Variants in PLD2 observed in about 807,000 individuals in gnomAD.
The protein encoded by PLD2 is choline phosphatase 2.
In PLD2, 101 loss-of-function variants were observed where a neutral mutation model predicts 119.8. The ratio of observed to expected loss-of-function variants is 0.84; its 90% CI spans 0.72 to 0.99. PLD2 has a LOEUF of 0.99. Ranked by LOEUF, PLD2 falls within the 50% of genes least tolerant of loss-of-function variation. PLD2 has a pLI of 0.00. For synonymous variants in PLD2, 494 were observed against 482.8 expected (o/e 1.02, Z -0.30); for missense variants, 1,164 against 1,226.8 (o/e 0.95, Z 0.76).
intron 10 of PLD2, among the ~76,000 whole-genome samples, chr17:4,812,627 T>C (rs1342082620): frequency 6.6e-6 from 1 of 151,920 alleles, no homozygotes; most frequent in African/African-American, 2.4e-5. Flanking sequence ...CAATCCACAG[T>C]GATGGAAATC....
chr17:4,815,649 C>T, intron 13 of PLD2, 63 bp downstream of exon 13: 1 of 1,582,708 alleles, frequency 6.3e-7, no homozygotes, highest in Non-Finnish European at 8.7e-7. Flanking sequence ...GTCCCAGCCC[C>T]CAGCGCTCCC....
At chr17:4,809,071 TACCTG>T in intron 4 of PLD2, 24 bp from the exon 5 acceptor site, 1 of 1,563,108 alleles carries the variant, frequency 6.4e-7, no homozygotes, top group East Asian at 2.2e-5. Flanking sequence ...TCCCAGCTCT[TACCTG>T]ACCTTCATCC....
At position 4,807,562 on chromosome 17, in the gene PLD2, A is replaced by G. The variant is rs1219860738; in HGVS notation, c.-1-210A>G. On this transcript the variant is annotated intron_variant, in intron 1 of 24. Coordinates refer to ENST00000263088, the MANE Select transcript of PLD2 (RefSeq NM_002663.5). The surrounding 1 kb of genome is among the most constrained non-coding windows in gnomAD (Gnocchi z 5.4). The stretch of plus-strand genomic sequence containing the variant: ...GACGGGGCGGGGGGCGGGGGGCGGG[A>G]CTGGGATTGTGGATGAAGGACTAAG... 7.8e-5 allele frequency: 26 copies of G among 335,140 alleles called. No homozygotes were observed. Among genetic ancestry groups the G allele is most frequent in the Non-Finnish European group, 6.1e-5 (11 of 181,658 alleles). The allele number at this position is 335,140 out of a possible 1,614,324, so 20.8% of individuals were successfully genotyped here.
intron 4 of PLD2, 52 bp from the exon 5 acceptor site, chr17:4,809,048 A>G (rs1046975575): frequency 7.1e-6 from 10 of 1,404,890 alleles, no homozygotes; most frequent in East Asian, 2.3e-5. Context: ...TTCAGGAACC[A>G]GAGCACCCAG....
At chr17:4,814,393 C>G (rs1224995856) in intron 10 of PLD2, 25 bp from the exon 11 acceptor site, 13 of 1,596,624 alleles carry the variant, frequency 8.1e-6, no homozygotes, top group Non-Finnish European at 1.1e-5. Context: ...ACTCCCCTGA[C>G]CTCCTTGGCT....
intron 14 of PLD2, among the ~76,000 whole-genome samples, chr17:4,816,213 C>A (rs1478335845): frequency 2.0e-5 from 3 of 152,070 alleles, no homozygotes; most frequent in African/African-American, 7.2e-5. Context: ...GAAACCCTGT[C>A]TCTACTAAAA....
intron 12 of PLD2, 152 bp downstream of exon 12, chr17:4,814,863 G>A (rs1303363497): frequency 8.4e-6 from 6 of 711,598 alleles, no homozygotes; most frequent in East Asian, 5.4e-5. Flanking sequence ...CATCACCTCC[G>A]CCCTCTCCCT....
In PLD2 at chr17:4,808,273, G is replaced by A. The variant is rs772586483; in HGVS notation, c.241-1G>A. 1.5e-5 allele frequency: 25 copies of A among 1,613,930 alleles called. 1 individual carries two copies. The South Asian group carries it at 2.5e-4, about 16-fold the overall frequency. On this transcript the variant is annotated splice_acceptor_variant, in intron 3 of 24. Transcript: ENST00000263088. LOFTEE classifies it high-confidence loss of function. This position sits in a 1 kb window ranked among gnomAD's most constrained non-coding sequence, Gnocchi z 4.1. The stretch of plus-strand genomic sequence containing the variant: ...ATCCATTCAGTTCCTCATACCCCTA[G>A]GTGGGAACCTGCACTCTGTATTCTG...
rs1036359417 is a variant in PLD2 at position 4,819,782 on chromosome 17, G to A, written c.2462+200G>A. Among the ~76,000 whole-genome samples the A allele has an allele frequency of 6.6e-6, 1 of 151,930 alleles. No individual in the cohort carries two copies. Among genetic ancestry groups the A allele is most frequent in the South Asian group, 2.1e-4 (1 of 4,816 alleles). On this transcript the variant is annotated intron_variant, in intron 23 of 24. Transcript: ENST00000263088. The surrounding 1 kb of genome is among the most constrained non-coding windows in gnomAD (Gnocchi z 4.2). Reference sequence around the variant, plus strand: ...GGAGGCCAAGGCGGGTGGATTGCCTGAGGTCAGGATTTTGAGACCAGCCTG... The same window carrying A: ...GGAGGCCAAGGCGGGTGGATTGCCTAAGGTCAGGATTTTGAGACCAGCCTG...
Position 4,819,043 on chromosome 17 carries a change from A to C in PLD2, c.2174-41A>C. 1 of 1,611,010 alleles carries C rather than the reference A, an allele frequency of 6.2e-7. No homozygotes were observed. The highest frequency in any genetic ancestry group is 8.5e-7 in the Non-Finnish European group (1 of 1,178,256). On this transcript the variant is annotated intron_variant, in intron 21 of 24. Transcript: ENST00000263088. This position sits in a 1 kb window ranked among gnomAD's most constrained non-coding sequence, Gnocchi z 4.2. ...GGAGGTGGGACAGGGCCCTGTGCAC[A>C]CAGAGCCACCTCTCACCTCACTTCC...
At position 4,818,546 on chromosome 17, in the gene PLD2, G is replaced by A. The variant is rs777652802; in HGVS notation, c.2062G>A (p.Glu688Lys). ...GCTTTTGCCCTTACTCCCTGGCTTC[G>A]AGGGTGACATCTCCACGGGCGGTGG... ...YVLLPLLPGFEGDISTGGGNS... is the reference protein window; with the variant it reads ...YVLLPLLPGFKGDISTGGGNS... Residue 688 changes from glutamate to lysine, a missense_variant, in exon 20 of 25, where the codon GAG becomes AAG. Physicochemically the swap from Glu to Lys is moderately conservative, Grantham distance 56. Coordinates refer to ENST00000263088, the MANE Select transcript of PLD2 (RefSeq NM_002663.5). 23 of 1,613,884 alleles carry A rather than the reference G, an allele frequency of 1.4e-5. No homozygotes were observed. Among genetic ancestry groups the A allele is most frequent in the East Asian group, 1.3e-4 (6 of 44,886 alleles).
intron 14 of PLD2, 62 bp from the exon 15 acceptor site, chr17:4,816,558 C>G (rs1906991696): frequency 6.4e-7 from 1 of 1,566,506 alleles, no homozygotes; most frequent in Non-Finnish European, 8.8e-7. Flanking sequence ...TCTCTTTGGC[C>G]CTGGCTCTGT....
At chr17:4,812,295 GTTTTT>G (rs560349965) in intron 10 of PLD2, among the ~76,000 whole-genome samples, 1 of 118,580 alleles carries the variant, frequency 8.4e-6, no homozygotes, top group East Asian at 2.5e-4. Context: ...TTTTGTTTTG[GTTTTT>G]TTTTTTTTTT....
Position 4,818,581 on chromosome 17 carries a change from C to T in PLD2, c.2097C>T (p.Ile699=). ...TCTCCACGGGCGGTGGCAACTCCAT[C>T]CAGGCCATTCTGCACTTTACTTACA... ...GDISTGGGNS[I]QAILHFTYRT... Residue 699 remains isoleucine, a synonymous_variant, in exon 20 of 25, where the codon ATC becomes ATT. Transcript: ENST00000263088. 1 of 1,613,734 alleles carries T rather than the reference C, an allele frequency of 6.2e-7. No individual in the cohort carries two copies. Among genetic ancestry groups the T allele is most frequent in the Non-Finnish European group, 8.5e-7 (1 of 1,179,682 alleles).
chr17:4,816,542 T>C, intron 14 of PLD2, 78 bp from the exon 15 acceptor site: 1 of 1,427,504 alleles, frequency 7.0e-7, no homozygotes, highest in Non-Finnish European at 9.9e-7. Flanking sequence ...ACTCTTTCAG[T>C]GCTCCTCTCT....
chr17:4,817,667 T>TA (rs1907149855), intron 17 of PLD2, among the ~76,000 whole-genome samples: 2 of 101,208 alleles, frequency 2.0e-5, no homozygotes, highest in South Asian at 5.8e-4. Context: ...ATCTCAAAAA[T>TA]AAAATAAAAG....
chr17:4,808,000 G>A lies in PLD2; in HGVS notation c.126G>A (p.Pro42=), dbSNP rs766939679. 1.9e-6 allele frequency: 3 copies of A among 1,609,612 alleles called. No individual in the cohort carries two copies. Among genetic ancestry groups the A allele is most frequent in the Admixed American group, 3.3e-5 (2 of 59,894 alleles). The part of the protein sequence containing the change: ...EGEDPADRMH[P]FLAIYELQSL... ...TCCTCCCAGCCGACCGGATGCACCC[G>A]TTTCTGGCCATCTATGAGCTTCAGT... Residue 42 remains proline, a synonymous_variant, in exon 3 of 25, where the codon CCG becomes CCA. Coordinates refer to ENST00000263088, the MANE Select transcript of PLD2 (RefSeq NM_002663.5). This position sits in a 1 kb window ranked among gnomAD's most constrained non-coding sequence, Gnocchi z 5.4.
chr17:4,823,054 G>A lies in PLD2; in HGVS notation c.*190G>A, dbSNP rs1907840982. 1.8e-6 allele frequency: 1 copy of A among 570,786 alleles called. No individual in the cohort carries two copies. The highest frequency in any genetic ancestry group is 3.1e-6 in the Non-Finnish European group (1 of 320,222). 35.4% of individuals were successfully genotyped at this position (570,786 alleles called of 1,614,324 possible). On this transcript the variant is annotated 3_prime_UTR_variant, in exon 25 of 25. Coordinates refer to ENST00000263088, the MANE Select transcript of PLD2 (RefSeq NM_002663.5). The stretch of plus-strand genomic sequence containing the variant: ...GCTGAAAAGGGCACTCCCAACCCTG[G>A]GCTGGGGAGGAGGAGAGAGTCCCAG...
At chr17:4,821,149 A>G (rs185035794) in intron 23 of PLD2, among the ~76,000 whole-genome samples, 149,122 of 151,240 alleles carry the variant, frequency 0.99, 73,552 homozygotes, top group East Asian at 1. Flanking sequence ...TGATCCGCCC[A>G]TCTCAGCCTC....
Sources: allele counts gnomAD v4.1 joint callset (sites outside exome capture counted in the v4.1 genomes callset), GRCh38; gene constraint gnomAD v4.1.1; non-coding constraint Gnocchi (gnomAD v3.1); transcripts MANE v1.5; gene names NCBI Gene and HGNC (gene_info 2026-07-23, HGNC 2026-07-21).